FCHSD2: variants seen among roughly 807,000 people sequenced by gnomAD.
FCHSD2 encodes the protein FCH and double SH3 domains 2.
Under a neutral mutation model 108.1 loss-of-function variants are expected in FCHSD2, and 38 were observed. The observed-to-expected ratio is 0.35, with a 90% CI of 0.27 to 0.46. The LOEUF (loss-of-function observed/expected upper bound fraction) is 0.46. Among genes scored for constraint, FCHSD2 ranks in the 20% least tolerant of loss-of-function variants. The probability of loss-of-function intolerance (pLI) is 1.00; values close to 1 mark genes in which losing one functional copy is unlikely to be tolerated. For missense variants in FCHSD2, 751 were observed against 897.8 expected (o/e 0.84, Z 2.09); for synonymous variants, 279 against 314.7 (o/e 0.89, Z 1.20).
intron 3 of FCHSD2, among the ~76,000 whole-genome samples, chr11:73,075,317 G>C (rs1160225901): frequency 1.3e-5 from 2 of 152,082 alleles, no homozygotes; most frequent in Non-Finnish European, 2.9e-5. Context: ...ATACCCAATA[G>C]AACACATTCA....
At chr11:73,017,834 A>G (rs186330048) in intron 3 of FCHSD2, among the ~76,000 whole-genome samples, 1 of 152,306 alleles carries the variant, frequency 6.6e-6, no homozygotes, top group East Asian at 1.9e-4. Context: ...AATCACAAAT[A>G]TATATAGGAA....
At chr11:72,946,793 T>C (rs2135350085) in intron 8 of FCHSD2, among the ~76,000 whole-genome samples, 1 of 152,348 alleles carries the variant, frequency 6.6e-6, no homozygotes, top group East Asian at 1.9e-4. Flanking sequence ...ATTTTCATTT[T>C]ACAGAGCAGG....
chr11:72,908,744 G>A (rs1214260411), intron 9 of FCHSD2, among the ~76,000 whole-genome samples: 1 of 152,102 alleles, frequency 6.6e-6, no homozygotes, highest in Non-Finnish European at 1.5e-5. Flanking sequence ...TCAGCTCACT[G>A]CAGCCTCTGC....
At chr11:73,058,977 C>T (rs1346356160) in intron 3 of FCHSD2, among the ~76,000 whole-genome samples, 1 of 152,128 alleles carries the variant, frequency 6.6e-6, no homozygotes, top group Non-Finnish European at 1.5e-5. Flanking sequence ...ATAGGCTAGC[C>T]TCTATAACAT....
chr11:72,861,140 T>A (rs76426780), intron 13 of FCHSD2, among the ~76,000 whole-genome samples: 5,251 of 152,078 alleles, frequency 0.035, 122 homozygotes, highest in Middle Eastern at 0.054. Flanking sequence ...ATCCATATAA[T>A]TAATAAACCT....
At chr11:72,996,612 T>C (rs143495237) in intron 5 of FCHSD2, among the ~76,000 whole-genome samples, 100 of 152,300 alleles carry the variant, frequency 6.6e-4, no homozygotes, top group African/African-American at 2.4e-3. Flanking sequence ...ATTGTGTTTA[T>C]CTTCCAAGCA....
intron 3 of FCHSD2, among the ~76,000 whole-genome samples, chr11:73,069,285 TG>T: frequency 8.1e-6 from 1 of 123,238 alleles, no homozygotes; most frequent in East Asian, 2.3e-4. Context: ...CACTCCAGCC[TG>T]GGTGACAGAG....
chr11:73,052,517 C>T (rs990809507), intron 3 of FCHSD2, among the ~76,000 whole-genome samples: 3 of 152,080 alleles, frequency 2.0e-5, no homozygotes, highest in African/African-American at 7.2e-5. Context: ...ACTCTCTTCA[C>T]TGAGAGAGGA....
intron 8 of FCHSD2, among the ~76,000 whole-genome samples, chr11:72,927,424 T>C (rs570046413): frequency 6.6e-5 from 10 of 152,278 alleles, no homozygotes; most frequent in South Asian, 2.1e-4. Context: ...GGTTCATCAA[T>C]TGCAACAAAT....
At chr11:72,900,027 T>C (rs1855495292) in intron 10 of FCHSD2, among the ~76,000 whole-genome samples, 1 of 152,144 alleles carries the variant, frequency 6.6e-6, no homozygotes. Context: ...CCAGCACACC[T>C]GTTGAAGAAG....
At chr11:73,042,914 A>G (rs1417142524) in intron 3 of FCHSD2, among the ~76,000 whole-genome samples, 2 of 152,156 alleles carry the variant, frequency 1.3e-5, no homozygotes, top group Non-Finnish European at 2.9e-5. Flanking sequence ...GTATCCTGCA[A>G]TTCTACTGAA....
In FCHSD2 at chr11:73,131,256, G is replaced by A. The variant is rs368324915; in HGVS notation, c.119+8775C>T. The stretch of plus-strand genomic sequence containing the variant: ...AATTAGGCCGGGCGCAGTGGTTCAC[G>A]CCTGTAATCCCAGCACTGTGGGAGG... On this transcript the variant is annotated intron_variant, in intron 2 of 19. Coordinates refer to ENST00000409418, the MANE Select transcript of FCHSD2 (RefSeq NM_014824.3). Among the ~76,000 whole-genome samples the A allele has an allele frequency of 1.6e-4, 25 of 151,560 alleles. No individual in the cohort carries two copies. The East Asian group carries it at 4.8e-3, about 29-fold the overall frequency.
At chr11:73,044,462 C>A (rs1858710290) in intron 3 of FCHSD2, among the ~76,000 whole-genome samples, 1 of 152,012 alleles carries the variant, frequency 6.6e-6, no homozygotes, top group Non-Finnish European at 1.5e-5. Context: ...CACCTATAGT[C>A]CTAGCTACTC....
At chr11:72,940,434 T>G in intron 8 of FCHSD2, 1 of 622,020 alleles carries the variant, frequency 1.6e-6, no homozygotes, top group Non-Finnish European at 2.9e-6. Context: ...GTATAATATG[T>G]GGCAATAAAT....
chr11:73,131,519 A>C (rs1488167456), intron 2 of FCHSD2, among the ~76,000 whole-genome samples: 1 of 151,766 alleles, frequency 6.6e-6, no homozygotes, highest in Non-Finnish European at 1.5e-5. Context: ...ACAGAGTGAG[A>C]CTTCGTCTCA....
chr11:73,132,823 A>AG (rs1026085080), intron 2 of FCHSD2, among the ~76,000 whole-genome samples: 10 of 96,016 alleles, frequency 1.0e-4, no homozygotes, highest in East Asian at 3.3e-4. Context: ...AAACGGTAAC[A>AG]GAAAAAAAAA....
intron 13 of FCHSD2, among the ~76,000 whole-genome samples, chr11:72,861,660 T>C (rs1241058305): frequency 3.9e-5 from 6 of 152,180 alleles, no homozygotes; most frequent in Non-Finnish European, 8.8e-5. Context: ...CCGGGCGCGC[T>C]GGCTCATGCC....
intron 3 of FCHSD2, among the ~76,000 whole-genome samples, chr11:73,066,538 A>G (rs947765507): frequency 1.3e-5 from 2 of 152,234 alleles, no homozygotes; most frequent in African/African-American, 2.4e-5. Flanking sequence ...AAAAGAAACT[A>G]TCATCAGAGT....
chr11:72,884,127 A>G (rs1257298202), intron 12 of FCHSD2, among the ~76,000 whole-genome samples: 1 of 152,076 alleles, frequency 6.6e-6, no homozygotes, highest in Non-Finnish European at 1.5e-5. Flanking sequence ...GGACAACTTG[A>G]TATTATGATT....
Sources: allele counts gnomAD v4.1 joint callset (sites outside exome capture counted in the v4.1 genomes callset), GRCh38; gene constraint gnomAD v4.1.1; transcripts MANE v1.5; gene names NCBI Gene and HGNC (gene_info 2026-07-23, HGNC 2026-07-21).